Variants in FAM135B observed in about 807,000 individuals in gnomAD.
FAM135B encodes the protein protein FAM135B.
FAM135B carries 43 observed loss-of-function variants against 127.7 expected under a neutral mutation model. That is an observed-to-expected ratio of 0.34 (90% CI 0.26 to 0.43). The LOEUF is 0.43. Ranked by LOEUF, FAM135B falls within the 20% of genes least tolerant of loss-of-function variation. FAM135B has a pLI of 1.00. For synonymous variants in FAM135B, 670 were observed against 665.1 expected (o/e 1.01, Z -0.11); for missense variants, 1,558 against 1,725.6 (o/e 0.90, Z 1.72).
At chr8:138,485,214 T>G (rs1814939058) in intron 1 of FAM135B, among the ~76,000 whole-genome samples, 1 of 152,220 alleles carries the variant, frequency 6.6e-6, no homozygotes, top group Admixed American at 6.5e-5. Flanking sequence ...TATGACTCAT[T>G]GTCACACTTC....
At chr8:138,411,060 C>G (rs1361656371) in intron 1 of FAM135B, among the ~76,000 whole-genome samples, 1 of 125,718 alleles carries the variant, frequency 8.0e-6, no homozygotes, top group Non-Finnish European at 1.7e-5. Flanking sequence ...AATGGCCATA[C>G]TGCCGAAGGT....
At position 138,241,065 on chromosome 8, in the gene FAM135B, TGAAG is replaced by T. The variant is rs143523357; in HGVS notation, c.669+1873_669+1876del. On this transcript the variant is annotated intron_variant, in intron 7 of 19. Coordinates refer to ENST00000395297, the MANE Select transcript of FAM135B (RefSeq NM_015912.4). This position sits in a 1 kb window ranked among gnomAD's most constrained non-coding sequence, Gnocchi z 4.8. ...TCTGGGTGCCAGCCCACGTGGGGGCTGAAGGAAGGAAGACTGGACATAGGGAGAA... is the reference window on the plus strand; with the variant it reads ...TCTGGGTGCCAGCCCACGTGGGGGCTGAAGGAAGACTGGACATAGGGAGAA... 0.011 allele frequency among the ~76,000 whole-genome samples: 1,746 copies of T among 152,234 alleles called. 28 individuals are homozygous for T. The highest frequency in any genetic ancestry group is 0.039 in the African/African-American group (1,612 of 41,546).
chr8:138,168,469 T>TG (rs1820143680), intron 11 of FAM135B, among the ~76,000 whole-genome samples: 1 of 152,218 alleles, frequency 6.6e-6, no homozygotes, highest in Non-Finnish European at 1.5e-5. Flanking sequence ...TCTGGTCATA[T>TG]TTTGGCATAT....
At chr8:138,326,222 T>C (rs766852361) in intron 2 of FAM135B, among the ~76,000 whole-genome samples, 2 of 152,164 alleles carry the variant, frequency 1.3e-5, no homozygotes, top group Non-Finnish European at 2.9e-5. Flanking sequence ...TGGCCATGTG[T>C]CAATGTTGTG....
intron 2 of FAM135B, among the ~76,000 whole-genome samples, chr8:138,320,698 C>A (rs933774478): frequency 3.9e-5 from 6 of 152,128 alleles, no homozygotes; most frequent in African/African-American, 4.8e-5. Context: ...AGGAGACAAG[C>A]CATGCACCAT....
At chr8:138,365,527 T>C (rs1238570917) in intron 2 of FAM135B, among the ~76,000 whole-genome samples, 1 of 152,218 alleles carries the variant, frequency 6.6e-6, no homozygotes, top group Non-Finnish European at 1.5e-5. Flanking sequence ...TATAACTAAA[T>C]CACTCTCTAC....
chr8:138,427,394 C>T (rs972531427), intron 1 of FAM135B, among the ~76,000 whole-genome samples: 1 of 151,622 alleles, frequency 6.6e-6, no homozygotes, highest in Admixed American at 6.6e-5. Context: ...TGAGACATGG[C>T]TTTTAAATTG....
intron 1 of FAM135B, among the ~76,000 whole-genome samples, chr8:138,405,199 T>C (rs1833397672): frequency 6.7e-6 from 1 of 149,450 alleles, no homozygotes; most frequent in Admixed American, 6.6e-5. Context: ...TGAGTAGTAA[T>C]ATTCTTTTTT....
At chr8:138,211,373 A>C (rs1159990528) in intron 7 of FAM135B, among the ~76,000 whole-genome samples, 1 of 152,206 alleles carries the variant, frequency 6.6e-6, no homozygotes, top group African/African-American at 2.4e-5. Flanking sequence ...AGAGGGGTGG[A>C]TCTCTCAGAC....
intron 13 of FAM135B, among the ~76,000 whole-genome samples, chr8:138,149,789 T>A (rs1817973329): frequency 6.6e-6 from 1 of 152,138 alleles, no homozygotes; most frequent in African/African-American, 2.4e-5. Flanking sequence ...CTTCTCCTTT[T>A]GGCTCCACCA....
chr8:138,207,216 CTTT>C (rs72229891), intron 7 of FAM135B, among the ~76,000 whole-genome samples: 3,152 of 133,934 alleles, frequency 0.024, 43 homozygotes, highest in Middle Eastern at 0.043. Context: ...TGAAACAATA[CTTT>C]TTTTTTTTTT....
Position 138,178,704 on chromosome 8 carries a change from A to AT in FAM135B, c.874-15_874-14insA. Reference sequence around the variant, plus strand: ...ATTGTTCAACATCTGGAGAGGCAAAAAAGGTGGTATTCAAGGCTCCTGACT... The same window carrying AT: ...ATTGTTCAACATCTGGAGAGGCAAAATAAGGTGGTATTCAAGGCTCCTGACT... On this transcript the variant is annotated splice_polypyrimidine_tract_variant and intron_variant, in intron 9 of 19. Coordinates refer to ENST00000395297, the MANE Select transcript of FAM135B (RefSeq NM_015912.4). 3.1e-6 allele frequency: 5 copies of AT among 1,612,916 alleles called. No individual in the cohort carries two copies. Among genetic ancestry groups the AT allele is most frequent in the Non-Finnish European group, 4.2e-6 (5 of 1,179,366 alleles).
intron 3 of FAM135B, among the ~76,000 whole-genome samples, chr8:138,274,135 TC>T (rs1823619285): frequency 6.6e-6 from 1 of 152,208 alleles, no homozygotes; most frequent in African/African-American, 2.4e-5. Context: ...ATTCCTCTTT[TC>T]CACTCACTTC....
chr8:138,138,280 T>A (rs1045358064), intron 18 of FAM135B, among the ~76,000 whole-genome samples: 2 of 152,188 alleles, frequency 1.3e-5, no homozygotes, highest in South Asian at 4.1e-4. Flanking sequence ...GGCTCACAGA[T>A]GAGCCCGTGG....
At chr8:138,299,127 A>T in intron 3 of FAM135B, among the ~76,000 whole-genome samples, 1 of 149,236 alleles carries the variant, frequency 6.7e-6, no homozygotes, top group Non-Finnish European at 1.5e-5. Flanking sequence ...AATAAAAAAT[A>T]AAAAAACACT....
rs535947488 is a variant in FAM135B at position 138,315,870 on chromosome 8, A to C, written c.78-4950T>G. ...TACCGGGAACGGAGAAGGGAAAGAAAGAAGAAATGGGGAAATGTAGGTCAA... is the reference window on the plus strand; with the variant it reads ...TACCGGGAACGGAGAAGGGAAAGAACGAAGAAATGGGGAAATGTAGGTCAA... On this transcript the variant is annotated intron_variant, in intron 2 of 19. Coordinates refer to ENST00000395297, the MANE Select transcript of FAM135B (RefSeq NM_015912.4). 6.8e-4 allele frequency among the ~76,000 whole-genome samples: 103 copies of C among 152,318 alleles called. No individual in the cohort carries two copies. In the Middle Eastern group the frequency reaches 0.01, roughly 15 times the overall value.
chr8:138,425,541 G>C (rs1196346753), intron 1 of FAM135B: 1 of 86 alleles, frequency 0.012, no homozygotes, highest in Non-Finnish European at 0.019. Flanking sequence ...GGTCTCTATA[G>C]TGGCCATCCA....
chr8:138,446,655 C>A (rs1836179310), intron 1 of FAM135B, among the ~76,000 whole-genome samples: 1 of 151,982 alleles, frequency 6.6e-6, no homozygotes. Flanking sequence ...AAAATTAATT[C>A]AAGATGGATT....
At chr8:138,462,047 AATG>A (rs1216605185) in intron 1 of FAM135B, among the ~76,000 whole-genome samples, 1 of 152,162 alleles carries the variant, frequency 6.6e-6, no homozygotes, top group Non-Finnish European at 1.5e-5. Context: ...TGATGATAAT[AATG>A]ATGATGATGA....
Sources: allele counts gnomAD v4.1 joint callset (sites outside exome capture counted in the v4.1 genomes callset), GRCh38; gene constraint gnomAD v4.1.1; non-coding constraint Gnocchi (gnomAD v3.1); transcripts MANE v1.5; gene names NCBI Gene and HGNC (gene_info 2026-07-23, HGNC 2026-07-21).